Variants in HLCS observed in about 807,000 individuals in gnomAD.
HLCS encodes the protein holocarboxylase synthetase.
Under a neutral mutation model 75.0 loss-of-function variants are expected in HLCS, and 53 were observed. The observed-to-expected ratio is 0.71, with a 90% CI of 0.57 to 0.89. HLCS has a LOEUF of 0.89. Among genes scored for constraint, HLCS ranks in the 40% least tolerant of loss-of-function variants. HLCS has a pLI of 0.00. For missense variants in HLCS, 966 were observed against 1,074.0 expected, an observed-to-expected ratio of 0.90 and a Z score of 1.41; for synonymous variants, 431 against 428.6, an observed-to-expected ratio of 1.01 and a Z score of -0.07.
chr21:36,761,370 C>T (rs773858368), intron 8 of HLCS, among the ~76,000 whole-genome samples: 3 of 152,192 alleles, frequency 2.0e-5, no homozygotes, highest in Non-Finnish European at 4.4e-5. Flanking sequence ...ATATTGGAAG[C>T]TCATCTGCCC....
intron 5 of HLCS, among the ~76,000 whole-genome samples, chr21:36,914,994 C>T (rs745475764): frequency 1.3e-5 from 2 of 152,264 alleles, no homozygotes; most frequent in Non-Finnish European, 2.9e-5. Flanking sequence ...CCTGGTGCAC[C>T]CAGAGGTGCC....
At chr21:36,852,707 T>A (rs573271109) in intron 6 of HLCS, among the ~76,000 whole-genome samples, 1 of 152,282 alleles carries the variant, frequency 6.6e-6, no homozygotes, top group East Asian at 1.9e-4. Context: ...CTCTAAAGCC[T>A]GATCGTTAAG....
rs766213 is a variant in HLCS at position 36,795,067 on chromosome 21, C to A, written c.1893-27782G>T. Among the ~76,000 whole-genome samples, 359 of 152,128 alleles carry A rather than the reference C, an allele frequency of 2.4e-3. 9 individuals are homozygous for A. The highest frequency in any genetic ancestry group is 0.02 in the Admixed American group (311 of 15,268). Reference sequence around the variant, plus strand: ...TTATCGTGGAGATGGTTCTTAGAACCATGGGACCAGGAGAGGTCAGCCAGC... The same window carrying A: ...TTATCGTGGAGATGGTTCTTAGAACAATGGGACCAGGAGAGGTCAGCCAGC... On this transcript the variant is annotated intron_variant, in intron 6 of 10. Coordinates refer to ENST00000674895, the MANE Select transcript of HLCS (RefSeq NM_001352514.2).
intron 6 of HLCS, among the ~76,000 whole-genome samples, chr21:36,790,172 A>T (rs1483700873): frequency 6.6e-6 from 1 of 152,156 alleles, no homozygotes; most frequent in Non-Finnish European, 1.5e-5. Context: ...TTGGGAGGCC[A>T]AGGTGGGCCC....
chr21:36,771,441 G>C (rs1200767882), intron 6 of HLCS, among the ~76,000 whole-genome samples: 1 of 152,234 alleles, frequency 6.6e-6, no homozygotes, highest in South Asian at 2.1e-4. Flanking sequence ...CAGAATTGAA[G>C]CCTGAGGAGG....
In HLCS at chr21:36,838,328, A is replaced by ACACACACC. The variant is rs1555907756; in HGVS notation, c.1892+58531_1892+58532insGGTGTGTG. ...CACACACACACACACACACACACAC[A>ACACACACC]CCCCCACAACCAACTCCTAGTACCC... On this transcript the variant is annotated intron_variant, in intron 6 of 10. Transcript: ENST00000674895. 3.3e-4 allele frequency among the ~76,000 whole-genome samples: 48 copies of ACACACACC among 147,688 alleles called. 1 individual carries two copies. In the South Asian group the frequency reaches 7.9e-3, roughly 24 times the overall value.
chr21:36,876,669 G>A, intron 6 of HLCS, among the ~76,000 whole-genome samples: 1 of 152,178 alleles, frequency 6.6e-6, no homozygotes, highest in East Asian at 1.9e-4. Flanking sequence ...TTATGACCCA[G>A]CACATAGTCT....
At chr21:36,978,622 G>A (rs2069010208) in intron 1 of HLCS, among the ~76,000 whole-genome samples, 1 of 152,232 alleles carries the variant, frequency 6.6e-6, no homozygotes, top group Admixed American at 6.5e-5. Context: ...TGAGCCCTGA[G>A]AAGGGGGCAA....
At chr21:36,812,678 C>T (rs2061546742) in intron 6 of HLCS, among the ~76,000 whole-genome samples, 1 of 151,982 alleles carries the variant, frequency 6.6e-6, no homozygotes, top group South Asian at 2.1e-4. Flanking sequence ...TATGAAAGAG[C>T]AAGCCAGAGA....
At chr21:36,770,980 GAGGCCGA>G (rs1433312046) in intron 6 of HLCS, among the ~76,000 whole-genome samples, 4 of 152,106 alleles carry the variant, frequency 2.6e-5, no homozygotes, top group Non-Finnish European at 5.9e-5. Flanking sequence ...AGCACTTTGC[GAGGCCGA>G]GGCAGGCGGA....
chr21:36,962,132 C>T lies in HLCS; in HGVS notation c.234G>A (p.Val78=), dbSNP rs764555898. The T allele has an allele frequency of 1.6e-6, 2 of 1,288,926 alleles. No homozygotes were observed. The highest frequency in any genetic ancestry group is 1.2e-5 in the South Asian group (1 of 81,012). 79.8% of individuals were successfully genotyped at this position (1,288,926 alleles called of 1,614,324 possible). The change falls in exon 2 of 11, where the codon GTG becomes GTA. Residue 78 remains valine, a synonymous_variant. Coordinates refer to ENST00000674895, the MANE Select transcript of HLCS (RefSeq NM_001352514.2). ...GTTCTGCTTCAAGTATAAAAGGAGA[C>T]ACAAGAAATAGGGCCCACTTGTTCA... ...EDLNKWALFL[V]SPFILEAEHI...
intron 2 of HLCS, among the ~76,000 whole-genome samples, chr21:36,956,505 A>G (rs949188163): frequency 4.0e-5 from 6 of 151,728 alleles, no homozygotes; most frequent in East Asian, 1.9e-4. Context: ...GAGGTGGGCA[A>G]ATCACAAGGT....
chr21:36,820,564 G>A (rs1328769992), intron 6 of HLCS, among the ~76,000 whole-genome samples: 5 of 152,206 alleles, frequency 3.3e-5, no homozygotes, highest in African/African-American at 9.7e-5. Flanking sequence ...TCAGGGCGGC[G>A]CTGACATGCC....
At chr21:36,894,848 T>G (rs887214880) in intron 6 of HLCS, among the ~76,000 whole-genome samples, 2 of 149,774 alleles carry the variant, frequency 1.3e-5, no homozygotes, top group African/African-American at 2.4e-5. Flanking sequence ...AGGCAGAGGT[T>G]TTTTTTTTTT....
In HLCS at chr21:36,828,121, G is replaced by A. The variant is rs376613608; in HGVS notation, c.1893-60836C>T. On this transcript the variant is annotated intron_variant, in intron 6 of 10. Coordinates refer to ENST00000674895, the MANE Select transcript of HLCS (RefSeq NM_001352514.2). The stretch of plus-strand genomic sequence containing the variant: ...AGCCACCATACCTGGCCTCAGTGGC[G>A]AGTATTTTTCTACAGTTGTTTCATG... 1.2e-3 allele frequency among the ~76,000 whole-genome samples: 188 copies of A among 152,138 alleles called. 1 individual carries two copies. Among genetic ancestry groups the A allele is most frequent in the African/African-American group, 4.3e-3 (180 of 41,516 alleles).
chr21:36,771,653 G>C (rs951569662), intron 6 of HLCS, among the ~76,000 whole-genome samples: 1 of 152,172 alleles, frequency 6.6e-6, no homozygotes, highest in Non-Finnish European at 1.5e-5. Flanking sequence ...GATTTAATCA[G>C]GATGCAAAAT....
Position 36,863,331 on chromosome 21 carries a change from C to T in HLCS, c.1892+33529G>A, listed in dbSNP as rs554032241. ...GGCTTGCAGAGGAGAGAGAACTGAC[C>T]ATCGCCGATCCACTGAGAAGGAATC... is the stretch of plus-strand genomic sequence containing the variant. On this transcript the variant is annotated intron_variant, in intron 6 of 10. Coordinates refer to ENST00000674895, the MANE Select transcript of HLCS (RefSeq NM_001352514.2). Among the ~76,000 whole-genome samples the T allele has an allele frequency of 5.9e-5, 9 of 152,094 alleles. No homozygotes were observed. In the South Asian group the frequency reaches 1.9e-3, roughly 32 times the overall value.
At chr21:36,825,350 TGCACTCCAGCC>T (rs1388719496) in intron 6 of HLCS, among the ~76,000 whole-genome samples, 2 of 152,106 alleles carry the variant, frequency 1.3e-5, no homozygotes, top group Non-Finnish European at 2.9e-5. Flanking sequence ...ATCACACCAC[TGCACTCCAGCC>T]TGGACAACAG....
At chr21:36,973,660 G>A (rs556364869) in intron 1 of HLCS, 8 of 152,300 alleles carry the variant, frequency 5.3e-5, no homozygotes, top group African/African-American at 1.9e-4. Context: ...GATACTCAGA[G>A]GGGATTTAAT....
Sources: gnomAD v4.1 joint callset for allele counts (sites outside exome capture counted in the v4.1 genomes callset) on GRCh38, gnomAD v4.1.1 for gene constraint, MANE v1.5 for transcripts, NCBI Gene and HGNC (gene_info 2026-07-23, HGNC 2026-07-21) for gene names.